TMEM87A: variants seen among roughly 807,000 people sequenced by gnomAD.
TMEM87A encodes transmembrane protein 87A.
In TMEM87A, 50 loss-of-function variants were observed where a neutral mutation model predicts 90.0. That is an observed-to-expected ratio of 0.56 (90% CI 0.44 to 0.70). The LOEUF (loss-of-function observed/expected upper bound fraction) is 0.70, where lower values mean the gene tolerates loss of function less well. TMEM87A is among the 30% of genes least tolerant of loss of function. The probability of loss-of-function intolerance (pLI) is 0.00; values close to 1 mark genes in which losing one functional copy is unlikely to be tolerated. For missense variants in TMEM87A, 577 were observed against 660.5 expected (o/e 0.87, Z 1.39); for synonymous variants, 226 against 226.7 (o/e 1.00, Z 0.03).
At chr15:42,271,448 C>T (rs2051521867) in intron 2 of TMEM87A, 1 of 152,236 alleles carries the variant, frequency 6.6e-6, no homozygotes, top group Admixed American at 6.5e-5. Context: ...TCATTCACTA[C>T]ATAACATTTC....
intron 6 of TMEM87A, among the ~76,000 whole-genome samples, chr15:42,248,745 T>C (rs919773969): frequency 3.3e-5 from 5 of 151,958 alleles, no homozygotes; most frequent in Non-Finnish European, 5.9e-5. Flanking sequence ...TAAAATTCTC[T>C]TTTTTTTGTT....
chr15:42,249,978 G>T (rs2140961637), intron 6 of TMEM87A, among the ~76,000 whole-genome samples: 1 of 152,304 alleles, frequency 6.6e-6, no homozygotes, highest in Non-Finnish European at 1.5e-5. Context: ...ATATATTTAG[G>T]ATAGTTAGCT....
rs1337268065 is a variant in TMEM87A at position 42,220,096 on chromosome 15, ATCC to A, written c.1440_1442del (p.Glu480del). The A allele has an allele frequency of 1.2e-6, 2 of 1,609,224 alleles. No homozygotes were observed. Among genetic ancestry groups the A allele is most frequent in the Admixed American group, 1.7e-5 (1 of 59,060 alleles). Reference sequence around the variant, plus strand: ...CTTTCAGCATAGGCTCCTTTTGTTCATCCTCCTCCTCTTCCTCAGACAATGGTG... The same window carrying A: ...CTTTCAGCATAGGCTCCTTTTGTTCATCCTCCTCTTCCTCAGACAATGGTG... On this transcript the variant is annotated inframe_deletion, in exon 16 of 20. Coordinates refer to ENST00000389834, the MANE Select transcript of TMEM87A (RefSeq NM_015497.5).
At chr15:42,265,829 G>A (rs1019107401) in intron 3 of TMEM87A, among the ~76,000 whole-genome samples, 2 of 152,146 alleles carry the variant, frequency 1.3e-5, no homozygotes, top group Non-Finnish European at 2.9e-5. Flanking sequence ...TTGTCTTCCA[G>A]GGTTTTTATA....
chr15:42,216,322 T>C (rs1174320268), intron 19 of TMEM87A, among the ~76,000 whole-genome samples: 4 of 152,224 alleles, frequency 2.6e-5, no homozygotes, highest in African/African-American at 9.6e-5. Context: ...ATTGTGCTTA[T>C]ACGTAATAAT....
At chr15:42,272,724 TA>T in intron 1 of TMEM87A, 1 of 333,756 alleles carries the variant, frequency 3.0e-6, no homozygotes. Flanking sequence ...ATTCCCATGT[TA>T]AAACACATTT....
intron 6 of TMEM87A, among the ~76,000 whole-genome samples, chr15:42,245,402 A>C (rs2050952469): frequency 6.6e-6 from 1 of 152,154 alleles, no homozygotes; most frequent in East Asian, 1.9e-4. Flanking sequence ...AAATTGATCA[A>C]TTCTCATATT....
At chr15:42,272,643 T>C (rs2051563045) in intron 1 of TMEM87A, 1 of 290,958 alleles carries the variant, frequency 3.4e-6, no homozygotes, top group South Asian at 3.1e-5. Flanking sequence ...TCAACCCATG[T>C]AGTTAATTAT....
intron 2 of TMEM87A, among the ~76,000 whole-genome samples, chr15:42,269,764 G>A (rs530437707): frequency 3.3e-5 from 5 of 149,272 alleles, no homozygotes; most frequent in Admixed American, 1.3e-4. Flanking sequence ...GTGAAACCCC[G>A]TCTCTACTAA....
chr15:42,218,496 G>A, intron 17 of TMEM87A, 118 bp from the exon 18 acceptor site: 1 of 876,904 alleles, frequency 1.1e-6, no homozygotes, highest in Non-Finnish European at 1.7e-6. Flanking sequence ...TTCACAAATG[G>A]GACTGCTGAC....
At chr15:42,231,097 C>G (rs1440320052) in intron 12 of TMEM87A, 95 bp downstream of exon 12, 1 of 1,248,956 alleles carries the variant, frequency 8.0e-7, no homozygotes, top group African/African-American at 1.6e-5. Context: ...GAGTAATTAA[C>G]AAAACTGATA....
intron 3 of TMEM87A, among the ~76,000 whole-genome samples, chr15:42,264,583 G>A (rs763262916): frequency 8.6e-5 from 13 of 150,854 alleles, no homozygotes; most frequent in Non-Finnish European, 1.5e-4. Context: ...ATTGTTGCAA[G>A]CACAGAACTA....
At chr15:42,244,682 A>G (rs1435189872) in intron 6 of TMEM87A, among the ~76,000 whole-genome samples, 1 of 148,342 alleles carries the variant, frequency 6.7e-6, no homozygotes, top group East Asian at 2.1e-4. Flanking sequence ...ACCTTGAGCT[A>G]GTCTATGTGG....
At chr15:42,267,691 T>G (rs2051433090) in intron 3 of TMEM87A, among the ~76,000 whole-genome samples, 1 of 152,184 alleles carries the variant, frequency 6.6e-6, no homozygotes, top group South Asian at 2.1e-4. Context: ...TATTTTTATA[T>G]TTTCTCAGTT....
intron 11 of TMEM87A, among the ~76,000 whole-genome samples, chr15:42,232,084 G>C (rs1595718429): frequency 6.6e-6 from 1 of 152,316 alleles, no homozygotes; most frequent in African/African-American, 2.4e-5. Context: ...CCGTTTTCTT[G>C]TGGGCAAAGC....
intron 6 of TMEM87A, among the ~76,000 whole-genome samples, chr15:42,256,530 A>G (rs1306082005): frequency 1.3e-5 from 2 of 152,218 alleles, no homozygotes; most frequent in African/African-American, 4.8e-5. Context: ...TCTTTTGACT[A>G]TATTTTGACT....
chr15:42,239,680 G>C lies in TMEM87A; in HGVS notation c.674C>G (p.Pro225Arg). ...PYEYLTLEDY[P>R]LMIFFMVMCI... ...TATAAAGTCACTTACAATCATCAAGGGATAGTCTTCAAGTGTGAGGTATTC... is the reference window on the plus strand; with the variant it reads ...TATAAAGTCACTTACAATCATCAAGCGATAGTCTTCAAGTGTGAGGTATTC... The change falls in exon 8 of 20, where the codon CCC becomes CGC. Residue 225 changes from proline (P) to arginine (R), a missense_variant. Coordinates refer to ENST00000389834, the MANE Select transcript of TMEM87A (RefSeq NM_015497.5). 6.2e-7 allele frequency: 1 copy of C among 1,613,360 alleles called. No homozygotes were observed. The highest frequency in any genetic ancestry group is 8.5e-7 in the Non-Finnish European group (1 of 1,179,418).
At chr15:42,244,399 T>G (rs748105489) in intron 6 of TMEM87A, among the ~76,000 whole-genome samples, 3 of 151,950 alleles carry the variant, frequency 2.0e-5, no homozygotes, top group Non-Finnish European at 4.4e-5. Context: ...AAAATCACAT[T>G]TAACATATTT....
intron 4 of TMEM87A, among the ~76,000 whole-genome samples, chr15:42,262,461 C>T (rs2051314270): frequency 1.6e-5 from 2 of 125,930 alleles, no homozygotes; most frequent in Admixed American, 8.3e-5. Flanking sequence ...TTTTTTGAGA[C>T]CAAGTTTCAC....
Sources: gnomAD v4.1 joint callset for allele counts (sites outside exome capture counted in the v4.1 genomes callset) on GRCh38, gnomAD v4.1.1 for gene constraint, MANE v1.5 for transcripts, NCBI Gene and HGNC (gene_info 2026-07-23, HGNC 2026-07-21) for gene names.